The following DLC1 variants were observed in gnomAD, a reference collection of about 807,000 sequenced individuals.
The protein encoded by DLC1 is DLC1 Rho GTPase activating protein.
Under a neutral mutation model 140.3 loss-of-function variants are expected in DLC1, and 54 were observed. The ratio of observed to expected loss-of-function variants is 0.38; its 90% CI spans 0.31 to 0.48. DLC1 has a LOEUF of 0.48. DLC1 is among the 20% of genes least tolerant of loss of function. The probability of loss-of-function intolerance (pLI) is 0.96; values close to 1 mark genes in which losing one functional copy is unlikely to be tolerated. For missense variants in DLC1, 2,536 were observed against 1,907.0 expected (o/e 1.33, Z -6.14); for synonymous variants, 986 against 728.1 (o/e 1.35, Z -5.70).
chr8:13,386,893 C>G (rs60962547), intron 4 of DLC1, among the ~76,000 whole-genome samples: 5,159 of 152,048 alleles, frequency 0.034, 294 homozygotes, highest in African/African-American at 0.12. Flanking sequence ...ATCTTACCAA[C>G]AGAAGCAAAT....
intron 5 of DLC1, among the ~76,000 whole-genome samples, chr8:13,237,035 C>T (rs1302434156): frequency 6.6e-6 from 1 of 151,800 alleles, no homozygotes; most frequent in South Asian, 2.1e-4. Context: ...CTTTGAGGTC[C>T]CTTCCAACTT....
chr8:13,350,027 G>T (rs1291823945), intron 4 of DLC1, among the ~76,000 whole-genome samples: 3 of 152,130 alleles, frequency 2.0e-5, no homozygotes, highest in African/African-American at 7.2e-5. Context: ...TCTGTGATCA[G>T]AAACTAAAAT....
intron 4 of DLC1, among the ~76,000 whole-genome samples, chr8:13,369,010 C>CTT (rs1189820761): frequency 3.9e-5 from 6 of 152,102 alleles, no homozygotes; most frequent in Non-Finnish European, 7.3e-5. Context: ...TTAGTAGAGA[C>CTT]AGGGTTTCAC....
At chr8:13,548,511 T>C (rs989903640) in intron 1 of DLC1, among the ~76,000 whole-genome samples, 2 of 152,002 alleles carry the variant, frequency 1.3e-5, no homozygotes, top group Admixed American at 1.3e-4. Context: ...TTTAAATAAA[T>C]GAATAAAGCT....
At chr8:13,147,424 T>C (rs35355292) in intron 5 of DLC1, among the ~76,000 whole-genome samples, 49,574 of 152,114 alleles carry the variant, frequency 0.33, 9,864 homozygotes, top group East Asian at 0.54. Context: ...GTTCCTTCTC[T>C]CACTCATTTC....
intron 5 of DLC1, among the ~76,000 whole-genome samples, chr8:13,122,502 A>C (rs1444405989): frequency 6.6e-6 from 1 of 152,214 alleles, no homozygotes; most frequent in African/African-American, 2.4e-5. Context: ...AGAAAAAAAA[A>C]AATCTATTAC....
At chr8:13,575,290 C>T (rs1371841419) in intron 1 of DLC1, among the ~76,000 whole-genome samples, 4 of 152,076 alleles carry the variant, frequency 2.6e-5, no homozygotes, top group Admixed American at 2.0e-4. Flanking sequence ...ACTAATGGTG[C>T]CACATATGCA....
chr8:13,294,640 C>G (rs1278563628), intron 5 of DLC1, among the ~76,000 whole-genome samples: 1 of 152,036 alleles, frequency 6.6e-6, no homozygotes, highest in African/African-American at 2.4e-5. Flanking sequence ...AAGGTGCGTG[C>G]TAGAAGAGGA....
intron 5 of DLC1, among the ~76,000 whole-genome samples, chr8:13,203,722 T>C (rs1218044645): frequency 6.6e-6 from 1 of 152,198 alleles, no homozygotes; most frequent in Non-Finnish European, 1.5e-5. Flanking sequence ...TCAGGATTAT[T>C]GACAGAAGAG....
intron 5 of DLC1, among the ~76,000 whole-genome samples, chr8:13,236,318 A>G (rs1829279389): frequency 6.6e-6 from 1 of 152,052 alleles, no homozygotes; most frequent in Admixed American, 6.5e-5. Context: ...TCTTTTAACA[A>G]TCTTAGTTCA....
intron 2 of DLC1, among the ~76,000 whole-genome samples, chr8:13,432,230 C>G (rs7008883): frequency 6.6e-6 from 1 of 152,068 alleles, no homozygotes; most frequent in Non-Finnish European, 1.5e-5. Flanking sequence ...TAACTATAGG[C>G]AACTTCAGAA....
chr8:13,429,633 C>T (rs1838768208), intron 2 of DLC1, among the ~76,000 whole-genome samples: 1 of 152,146 alleles, frequency 6.6e-6, no homozygotes, highest in South Asian at 2.1e-4. Flanking sequence ...TTGCCATGCC[C>T]ATGTCAGTGC....
chr8:13,279,256 T>A (rs1831279245), intron 5 of DLC1, among the ~76,000 whole-genome samples: 1 of 152,188 alleles, frequency 6.6e-6, no homozygotes, highest in Non-Finnish European at 1.5e-5. Flanking sequence ...TGTTTAACAG[T>A]AGAGCACTCA....
At chr8:13,526,014 G>A (rs1802912312) in intron 1 of DLC1, among the ~76,000 whole-genome samples, 1 of 152,040 alleles carries the variant, frequency 6.6e-6, no homozygotes, top group Non-Finnish European at 1.5e-5. Context: ...TGAAAGTATG[G>A]ATCAAAGTTT....
intron 1 of DLC1, among the ~76,000 whole-genome samples, chr8:13,543,767 C>T (rs903266864): frequency 6.6e-6 from 1 of 152,064 alleles, no homozygotes; most frequent in Non-Finnish European, 1.5e-5. Flanking sequence ...TGTATGTTCT[C>T]ATCTGTAATT....
At chr8:13,262,108 A>T (rs573636636) in intron 5 of DLC1, among the ~76,000 whole-genome samples, 1 of 152,310 alleles carries the variant, frequency 6.6e-6, no homozygotes, top group African/African-American at 2.4e-5. Flanking sequence ...AGTAAGGGAC[A>T]GTGTGAGTTC....
intron 1 of DLC1, among the ~76,000 whole-genome samples, chr8:13,536,303 G>C (rs1408348123): frequency 6.6e-6 from 1 of 152,188 alleles, no homozygotes; most frequent in East Asian, 1.9e-4. Flanking sequence ...ACAAGGTAAA[G>C]TTGGAGAAAG....
chr8:13,392,730 C>G (rs1037216422), intron 4 of DLC1, among the ~76,000 whole-genome samples: 3 of 152,184 alleles, frequency 2.0e-5, no homozygotes, highest in African/African-American at 7.2e-5. Context: ...TGCAGTTCAA[C>G]TCTTTCCTTA....
At chr8:13,420,752 T>G (rs1040000765) in intron 2 of DLC1, among the ~76,000 whole-genome samples, 4 of 152,196 alleles carry the variant, frequency 2.6e-5, no homozygotes, top group Admixed American at 2.6e-4. Context: ...TTTTTATGAC[T>G]GCATAGTATT....
Sources: gnomAD v4.1 joint callset for allele counts (sites outside exome capture counted in the v4.1 genomes callset) on GRCh38, gnomAD v4.1.1 for gene constraint, MANE v1.5 for transcripts, NCBI Gene and HGNC (gene_info 2026-07-23, HGNC 2026-07-21) for gene names.